FDXR: variants seen among roughly 807,000 people sequenced by gnomAD.
FDXR encodes NADPH:adrenodoxin oxidoreductase, mitochondrial.
FDXR carries 38 observed loss-of-function variants against 58.3 expected under a neutral mutation model. The ratio of observed to expected loss-of-function variants is 0.65; its 90% CI spans 0.50 to 0.85. The LOEUF (loss-of-function observed/expected upper bound fraction) is 0.85. Ranked by LOEUF, FDXR falls within the 40% of genes least tolerant of loss-of-function variation. The pLI, the probability that FDXR is intolerant of heterozygous loss-of-function variation, is 0.00. For missense variants in FDXR, 624 were observed against 671.0 expected (o/e 0.93, Z 0.77); for synonymous variants, 275 against 273.8 (o/e 1.00, Z -0.04).
chr17:74,864,454 TGGG>T, intron 8 of FDXR, 23 bp downstream of exon 8: 1 of 1,610,764 alleles, frequency 6.2e-7, no homozygotes, highest in Non-Finnish European at 8.5e-7. Context: ...CCCTAGTAGT[TGGG>T]GGGCCAGGCC....
At position 74,863,217 on chromosome 17, in the gene FDXR, C is replaced by T. The variant is rs368285780; in HGVS notation, c.1204G>A (p.Gly402Arg). Reference protein sequence around the residue: ...GLYCSGWVKRGPTGVIATTMT... With the variant: ...GLYCSGWVKRRPTGVIATTMT... Reference sequence around the variant, plus strand: ...GTTGTGGCTATGACACCTGTAGGTCCTCTCTTCACCCAGCCGCTGCAGTAG... The same window carrying T: ...GTTGTGGCTATGACACCTGTAGGTCTTCTCTTCACCCAGCCGCTGCAGTAG... The change falls in exon 11 of 12, where the codon GGA becomes AGA. Residue 402 changes from glycine to arginine, a missense_variant. By Grantham distance (125) the Gly-to-Arg change is moderately radical. Transcript: ENST00000293195. The T allele has an allele frequency of 1.9e-6, 3 of 1,613,396 alleles. No individual in the cohort carries two copies. Among genetic ancestry groups the T allele is most frequent in the Non-Finnish European group, 2.5e-6 (3 of 1,179,852 alleles).
At chr17:74,867,933 A>G (rs2038248413) in intron 2 of FDXR, among the ~76,000 whole-genome samples, 1 of 152,056 alleles carries the variant, frequency 6.6e-6, no homozygotes, top group Admixed American at 6.6e-5. Flanking sequence ...GTTAGCAGTA[A>G]AGCAGTCAGG....
intron 2 of FDXR, among the ~76,000 whole-genome samples, chr17:74,871,554 AG>A (rs1402977400): frequency 6.6e-6 from 1 of 152,140 alleles, no homozygotes; most frequent in South Asian, 2.1e-4. Flanking sequence ...TCACAGGGGA[AG>A]GGGGAGGGGC....
Position 74,865,767 on chromosome 17 carries a change from C to T in FDXR, c.561G>A (p.Val187=), listed in dbSNP as rs1367847686. The change falls in exon 6 of 12, where the codon GTG becomes GTA. Residue 187 remains valine, a synonymous_variant. Coordinates refer to ENST00000293195, the MANE Select transcript of FDXR (RefSeq NM_024417.5). ...GTAGGATGCGGGCCACGTCCAGAGC[C>T]ACGTTCCCCTGCCCCAGAATCACGG... is the stretch of plus-strand genomic sequence containing the variant. The part of the protein sequence containing the change: ...DTAVILGQGN[V]ALDVARILLT... 3 of 1,613,724 alleles carry T rather than the reference C, an allele frequency of 1.9e-6. No individual in the cohort carries two copies. The highest frequency in any genetic ancestry group is 2.7e-5 in the African/African-American group (2 of 75,042).
rs34964564 is a variant in FDXR, at chr17:74,864,800, C to T, written c.717+24G>A. ...AGGCCCCCTCCACCTGGAACCCTGGCTCCTCCCACTCTGGCCCCAGCACCT... is the reference window on the plus strand; with the variant it reads ...AGGCCCCCTCCACCTGGAACCCTGGTTCCTCCCACTCTGGCCCCAGCACCT... On this transcript the variant is annotated intron_variant, in intron 7 of 11. Transcript: ENST00000293195. 6 of 1,613,608 alleles carry T rather than the reference C, an allele frequency of 3.7e-6. No individual in the cohort carries two copies. In the African/African-American group the frequency reaches 6.7e-5, roughly 18 times the overall value.
chr17:74,872,599 T>A, intron 1 of FDXR: 1 of 721,270 alleles, frequency 1.4e-6, no homozygotes, highest in Non-Finnish European at 2.2e-6. Context: ...GACCTCCGTA[T>A]CATCCTCCAT....
chr17:74,864,137 A>G lies in FDXR; in HGVS notation c.1002+11T>C, dbSNP rs750745676. 7 of 1,612,748 alleles carry G rather than the reference A, an allele frequency of 4.3e-6. No homozygotes were observed. In the African/African-American group the frequency reaches 9.3e-5, roughly 22 times the overall value. On this transcript the variant is annotated intron_variant, in intron 9 of 11. Coordinates refer to ENST00000293195, the MANE Select transcript of FDXR (RefSeq NM_024417.5). Reference sequence around the variant, plus strand: ...TGGGAAGGGGGTGTCTTTGGGAAACATGAGACTCACCTCCAGTCTAGTGAC... The same window carrying G: ...TGGGAAGGGGGTGTCTTTGGGAAACGTGAGACTCACCTCCAGTCTAGTGAC...
At chr17:74,865,847 C>A (rs780285418) in intron 5 of FDXR, 27 bp from the exon 6 acceptor site, 14 of 1,551,266 alleles carry the variant, frequency 9.0e-6, no homozygotes, top group Admixed American at 3.5e-5. Flanking sequence ...TTGATAGGGT[C>A]CCCCAGCCTC....
At chr17:74,871,536 C>A (rs1451865381) in intron 2 of FDXR, among the ~76,000 whole-genome samples, 2 of 152,136 alleles carry the variant, frequency 1.3e-5, no homozygotes, top group African/African-American at 4.8e-5. Flanking sequence ...GCCTTGAGAT[C>A]CTGGCCTTCA....
intron 6 of FDXR, 42 bp from the exon 7 acceptor site, chr17:74,864,973 G>A (rs375906566): frequency 6.5e-5 from 105 of 1,613,344 alleles, no homozygotes; most frequent in African/African-American, 3.3e-4. Context: ...GACACTGACC[G>A]AGGAAAGGGG....
chr17:74,865,519 G>A (rs1195437212), intron 6 of FDXR, among the ~76,000 whole-genome samples, 200 bp downstream of exon 6: 4 of 152,090 alleles, frequency 2.6e-5, no homozygotes, highest in Non-Finnish European at 5.9e-5. Context: ...CCACTTAGCT[G>A]GAGTGCAGAA....
At chr17:74,865,076 A>G in intron 6 of FDXR, 145 bp from the exon 7 acceptor site, 2 of 1,070,304 alleles carry the variant, frequency 1.9e-6, no homozygotes, top group Non-Finnish European at 2.7e-6. Context: ...CAGATGGAGC[A>G]TTGCTGCCAA....
At chr17:74,864,777 GC>G in intron 7 of FDXR, 46 bp downstream of exon 7, 2 of 1,612,054 alleles carry the variant, frequency 1.2e-6, no homozygotes, top group Non-Finnish European at 1.7e-6. Context: ...TTAAGGAGAG[GC>G]CCCCTCCACC....
Position 74,864,832 on chromosome 17 carries a change from T to C in FDXR, c.709A>G (p.Thr237Ala), listed in dbSNP as rs1185049626. 1 of 1,613,866 alleles carries C rather than the reference T, an allele frequency of 6.2e-7. No individual in the cohort carries two copies. Among genetic ancestry groups the C allele is most frequent in the Admixed American group, 1.7e-5 (1 of 60,008 alleles). The change falls in exon 7 of 12, where the codon ACC becomes GCC. Residue 237 changes from threonine (T) to alanine (A), a missense_variant. By Grantham distance (58) the Thr-to-Ala change is moderately conservative. Transcript: ENST00000293195. ...GRRGPLQVAF[T>A]IKELREMIQL... is the part of the protein sequence containing the mutation. The stretch of plus-strand genomic sequence containing the variant: ...CACTCTGGCCCCAGCACCTTAATGG[T>C]GAAGGCCACTTGCAGGGGTCCACGC...
At position 74,866,830 on chromosome 17, in the gene FDXR, A is replaced by C; in HGVS notation, c.224T>G (p.Phe75Cys). 6.2e-7 allele frequency: 1 copy of C among 1,614,182 alleles called. No homozygotes were observed. Among genetic ancestry groups the C allele is most frequent in the Non-Finnish European group, 8.5e-7 (1 of 1,180,024 alleles). The change falls in exon 3 of 12, where the codon TTT becomes TGT. Residue 75 changes from phenylalanine to cysteine, a missense_variant. Phe to Cys is a radical substitution (Grantham distance 205). Transcript: ENST00000293195. Reference protein sequence around the residue: ...VDIYEKQPVPFGLVRFGVAPD... With the variant: ...VDIYEKQPVPCGLVRFGVAPD... ...CGCCACACCAAAGCGCACCAGGCCA[A>C]AGGGCACAGGCTGTTTCTCGTAGAT...
intron 11 of FDXR, 43 bp downstream of exon 11, chr17:74,863,033 C>G (rs1160546488): frequency 1.2e-6 from 2 of 1,602,198 alleles, no homozygotes; most frequent in South Asian, 1.1e-5. Flanking sequence ...CAGAGAAGGA[C>G]CACCCACCCC....
intron 3 of FDXR, 83 bp from the exon 4 acceptor site, chr17:74,866,651 G>A (rs1408643537): frequency 1.2e-6 from 2 of 1,600,370 alleles, no homozygotes; most frequent in Non-Finnish European, 1.7e-6. Flanking sequence ...ACCACTCTGT[G>A]TCCCCAGGAG....
At chr17:74,864,618 A>C in intron 7 of FDXR, 54 bp from the exon 8 acceptor site, 2 of 1,523,660 alleles carry the variant, frequency 1.3e-6, no homozygotes, top group Non-Finnish European at 1.8e-6. Flanking sequence ...AACACAGTCC[A>C]CCTGAGCCCA....
In FDXR at chr17:74,872,261, G is replaced by A. The variant is rs191792387; in HGVS notation, c.80-128C>T. 31 of 1,539,670 alleles carry A rather than the reference G, an allele frequency of 2.0e-5. No homozygotes were observed. In the African/African-American group the frequency reaches 3.7e-4, roughly 18 times the overall value. ...CCCTCACCTGCATCCTCCTTCTCTT[G>A]TTCCTCAAGGCTTTGGCATTTGCAG... On this transcript the variant is annotated intron_variant, in intron 1 of 11. Transcript: ENST00000293195.
Sources: gnomAD v4.1 joint callset for allele counts (sites outside exome capture counted in the v4.1 genomes callset) on GRCh38, gnomAD v4.1.1 for gene constraint, MANE v1.5 for transcripts, NCBI Gene and HGNC (gene_info 2026-07-23, HGNC 2026-07-21) for gene names.